The following TBC1D19 variants were observed in gnomAD, a reference collection of about 807,000 sequenced individuals.
TBC1D19 encodes the protein TBC1 domain family, member 19.
In TBC1D19, 60 loss-of-function variants were observed where a neutral mutation model predicts 89.0. The observed-to-expected ratio is 0.67, with a 90% CI of 0.55 to 0.84. TBC1D19 has a LOEUF of 0.84. Ranked by LOEUF, TBC1D19 falls within the 40% of genes least tolerant of loss-of-function variation. The pLI is 0.00. For missense variants in TBC1D19, 500 were observed against 610.8 expected, an observed-to-expected ratio of 0.82 and a Z score of 1.91; for synonymous variants, 189 against 199.7, an observed-to-expected ratio of 0.95 and a Z score of 0.45.
chr4:26,803,660 C>A, the TBC1D19 span, among the ~76,000 whole-genome samples: 3 of 152,058 alleles, frequency 2.0e-5, no homozygotes, highest in Admixed American at 1.3e-4. Context: ...TTGTCTCATG[C>A]CCATTTGTGG....
At chr4:26,850,433 G>A in the TBC1D19 span, among the ~76,000 whole-genome samples, 2 of 150,724 alleles carry the variant, frequency 1.3e-5, no homozygotes, top group Non-Finnish European at 3.0e-5. Context: ...CTGTAGTCCC[G>A]GCTACTTGGG....
chr4:26,580,400 G>A (rs1316129718), upstream of TBC1D19, among the ~76,000 whole-genome samples: 1 of 152,162 alleles, frequency 6.6e-6, no homozygotes, highest in Non-Finnish European at 1.5e-5. Context: ...AGGCAGAGTA[G>A]AAGACAATGA....
intron 1 of TBC1D19, among the ~76,000 whole-genome samples, chr4:26,595,074 C>T (rs768143582): frequency 1.3e-5 from 2 of 152,240 alleles, no homozygotes; most frequent in Non-Finnish European, 2.9e-5. Context: ...AATGAGAGTG[C>T]TGGTTGCTCC....
chr4:26,714,152 C>A (rs1434088101), intron 13 of TBC1D19, among the ~76,000 whole-genome samples: 2 of 151,996 alleles, frequency 1.3e-5, no homozygotes, highest in African/African-American at 4.8e-5. Flanking sequence ...TCAAGACCAG[C>A]CTGGGCAACA....
chr4:26,717,498 C>T (rs966435057), intron 13 of TBC1D19, among the ~76,000 whole-genome samples: 2 of 152,180 alleles, frequency 1.3e-5, no homozygotes, highest in Middle Eastern at 3.4e-3. Context: ...CTAAGTACCA[C>T]GAGTTGCCTT....
In TBC1D19 at chr4:26,621,628, A is replaced by T. The variant is rs570356459; in HGVS notation, c.294+940A>T. ...CTTTTTTCGACTTTTATTTTTATTT[A>T]AAAAAATCATCAAAAAATTAGATGG... is the stretch of plus-strand genomic sequence containing the variant. On this transcript the variant is annotated intron_variant, in intron 4 of 20. Coordinates refer to ENST00000264866, the MANE Select transcript of TBC1D19 (RefSeq NM_018317.4). Among the ~76,000 whole-genome samples the T allele has an allele frequency of 7.9e-5, 12 of 152,232 alleles. No individual in the cohort carries two copies. The East Asian group carries it at 1.4e-3, about 17-fold the overall frequency.
At chr4:26,672,366 C>T (rs1273586618) in intron 10 of TBC1D19, among the ~76,000 whole-genome samples, 179 bp downstream of exon 10, 1 of 151,838 alleles carries the variant, frequency 6.6e-6, no homozygotes, top group African/African-American at 2.4e-5. Context: ...GAAAATGCAT[C>T]ATTTTGGCTT....
At chr4:26,666,282 T>C (rs1488974724) in intron 8 of TBC1D19, 51 bp from the exon 9 acceptor site, 2 of 1,436,820 alleles carry the variant, frequency 1.4e-6, no homozygotes, top group Admixed American at 1.7e-5. Flanking sequence ...CTTTTAACAA[T>C]GTGCAGCAAA....
the TBC1D19 span, among the ~76,000 whole-genome samples, chr4:26,809,720 G>A: frequency 4.6e-5 from 7 of 152,276 alleles, no homozygotes; most frequent in East Asian, 3.9e-4. Flanking sequence ...ACACCTGAGC[G>A]GTGAGAAGGC....
chr4:26,673,683 A>C (rs190930760), intron 10 of TBC1D19, 93 bp from the exon 11 acceptor site: 1 of 814,604 alleles, frequency 1.2e-6, no homozygotes, highest in Non-Finnish European at 2.1e-6. Flanking sequence ...GAAAGACTGA[A>C]TATCAGCTTC....
chr4:26,788,903 C>A, the TBC1D19 span, among the ~76,000 whole-genome samples: 1 of 152,188 alleles, frequency 6.6e-6, no homozygotes, highest in South Asian at 2.1e-4. Flanking sequence ...GAGCTACTGG[C>A]CTTCTTGGCT....
intron 19 of TBC1D19, among the ~76,000 whole-genome samples, chr4:26,752,756 A>G (rs1244208244): frequency 1.3e-5 from 2 of 152,320 alleles, no homozygotes; most frequent in East Asian, 3.9e-4. Context: ...GGTAGGTTAT[A>G]TAAGTTTTGC....
chr4:26,732,953 A>G (rs148635250), intron 15 of TBC1D19, among the ~76,000 whole-genome samples: 46 of 152,370 alleles, frequency 3.0e-4, no homozygotes, highest in Non-Finnish European at 5.3e-4. Flanking sequence ...TCTACAATTC[A>G]GTGTTAAACA....
At chr4:26,723,018 T>C (rs1284762193) in intron 15 of TBC1D19, among the ~76,000 whole-genome samples, 4 of 152,126 alleles carry the variant, frequency 2.6e-5, no homozygotes, top group Admixed American at 2.6e-4. Context: ...GAAAGGAAAG[T>C]AGTTAATGTA....
the TBC1D19 span, among the ~76,000 whole-genome samples, chr4:26,829,717 G>A: frequency 6.6e-6 from 1 of 152,150 alleles, no homozygotes; most frequent in African/African-American, 2.4e-5. Context: ...TTTATTAGAG[G>A]CAGGTAAGGT....
intron 1 of TBC1D19, among the ~76,000 whole-genome samples, chr4:26,591,665 G>A (rs1040390399): frequency 6.6e-6 from 1 of 152,128 alleles, no homozygotes; most frequent in Non-Finnish European, 1.5e-5. Context: ...TATCACCACT[G>A]ATCCCACAGA....
At chr4:26,651,516 C>T (rs960198877) in intron 7 of TBC1D19, among the ~76,000 whole-genome samples, 1 of 151,904 alleles carries the variant, frequency 6.6e-6, no homozygotes, top group South Asian at 2.1e-4. Context: ...GGCTGTTTAT[C>T]TGTTATTGGT....
the TBC1D19 span, among the ~76,000 whole-genome samples, chr4:26,798,970 C>T: frequency 6.6e-6 from 1 of 152,014 alleles, no homozygotes; most frequent in Non-Finnish European, 1.5e-5. Flanking sequence ...AAGCCCAATT[C>T]CTACTAGTAT....
chr4:26,853,281 C>T, the TBC1D19 span, among the ~76,000 whole-genome samples: 4 of 152,194 alleles, frequency 2.6e-5, no homozygotes, highest in South Asian at 8.3e-4. Context: ...ATCCTCTCTC[C>T]CCAGACATCT....
Sources: gnomAD v4.1 joint callset for allele counts (sites outside exome capture counted in the v4.1 genomes callset) on GRCh38, gnomAD v4.1.1 for gene constraint, MANE v1.5 for transcripts, NCBI Gene and HGNC (gene_info 2026-07-23, HGNC 2026-07-21) for gene names.